The following PARD6G variants were observed in gnomAD, a reference collection of about 807,000 sequenced individuals.
The protein encoded by PARD6G is par-6 family cell polarity regulator gamma.
Under a neutral mutation model 10.7 loss-of-function variants are expected in PARD6G, and 7 were observed. That is an observed-to-expected ratio of 0.66 (90% CI 0.37 to 1.23). The LOEUF is 1.23. Among genes scored for constraint, PARD6G ranks in the 50% most tolerant of loss-of-function variants. The probability of loss-of-function intolerance (pLI) is 0.02; values close to 1 mark genes in which losing one functional copy is unlikely to be tolerated. For missense variants in PARD6G, 548 were observed against 571.8 expected, an observed-to-expected ratio of 0.96 and a Z score of 0.42; for synonymous variants, 287 against 269.4, an observed-to-expected ratio of 1.07 and a Z score of -0.64.
chr18:80,208,068 TGCA>T (rs1967071268), intron 1 of PARD6G, among the ~76,000 whole-genome samples: 2 of 152,152 alleles, frequency 1.3e-5, no homozygotes, highest in African/African-American at 4.8e-5. Context: ...ATCAAATCAC[TGCA>T]GCATTTAGAT....
At chr18:80,210,272 T>C (rs972893788) in intron 1 of PARD6G, among the ~76,000 whole-genome samples, 3 of 152,198 alleles carry the variant, frequency 2.0e-5, no homozygotes, top group East Asian at 3.8e-4. Flanking sequence ...AAAGACAGAA[T>C]ACTGGGAAAA....
chr18:80,210,455 G>A (rs1967096009), intron 1 of PARD6G, among the ~76,000 whole-genome samples: 1 of 152,120 alleles, frequency 6.6e-6, no homozygotes, highest in Non-Finnish European at 1.5e-5. Flanking sequence ...CACAGCCTGG[G>A]AGGGAGCAGA....
chr18:80,190,370 G>A (rs934386762), intron 2 of PARD6G, among the ~76,000 whole-genome samples: 3 of 152,178 alleles, frequency 2.0e-5, no homozygotes, highest in African/African-American at 4.8e-5. Flanking sequence ...GGCCTGAGAG[G>A]GCTTCTGTGT....
chr18:80,234,914 C>T (rs578116774), intron 1 of PARD6G, among the ~76,000 whole-genome samples: 1 of 152,144 alleles, frequency 6.6e-6, no homozygotes, highest in African/African-American at 2.4e-5. Context: ...TAATGGGAGA[C>T]TTTAACACCC....
At chr18:80,216,355 T>C (rs1173676480) in intron 1 of PARD6G, among the ~76,000 whole-genome samples, 1 of 152,110 alleles carries the variant, frequency 6.6e-6, no homozygotes, top group African/African-American at 2.4e-5. Context: ...TTCTCTAGGA[T>C]AGACCATACT....
intron 1 of PARD6G, among the ~76,000 whole-genome samples, chr18:80,213,070 T>C (rs1293196151): frequency 1.3e-5 from 2 of 152,162 alleles, no homozygotes; most frequent in Admixed American, 6.5e-5. Flanking sequence ...TAAATTGGTT[T>C]TATTACCAGT....
chr18:80,227,352 T>C (rs1225940539), intron 1 of PARD6G, among the ~76,000 whole-genome samples: 6 of 152,198 alleles, frequency 3.9e-5, no homozygotes, highest in South Asian at 4.1e-4. Context: ...CACAAAGTCA[T>C]GAAATGTGTT....
At position 80,177,440 on chromosome 18, in the gene PARD6G, A is replaced by C. The variant is rs145327271; in HGVS notation, c.296-16834T>G. Among the ~76,000 whole-genome samples the C allele has an allele frequency of 2.0e-5, 3 of 151,556 alleles. No homozygotes were observed. The East Asian group carries it at 5.8e-4, about 30-fold the overall frequency. On this transcript the variant is annotated intron_variant, in intron 2 of 2. Coordinates refer to ENST00000353265, the MANE Select transcript of PARD6G (RefSeq NM_032510.4). The stretch of plus-strand genomic sequence containing the variant: ...ATACACGCAAACACGCACACACAGG[A>C]TAAACCACAGTCCAAATGGGAAGCA...
intron 2 of PARD6G, among the ~76,000 whole-genome samples, chr18:80,187,141 G>C (rs1299094280): frequency 6.6e-6 from 1 of 151,998 alleles, no homozygotes; most frequent in Non-Finnish European, 1.5e-5. Flanking sequence ...TCCACTAAGG[G>C]TTACTCTAAT....
In PARD6G at chr18:80,183,368, C is replaced by T. The variant is rs1420223857; in HGVS notation, c.295+19342G>A. On this transcript the variant is annotated intron_variant, in intron 2 of 2. Coordinates refer to ENST00000353265, the MANE Select transcript of PARD6G (RefSeq NM_032510.4). This position sits in a 1 kb window ranked among gnomAD's most constrained non-coding sequence, Gnocchi z 4.5. ...AGCATCCGTCTTCTTCCTTTCCAGC[C>T]AGACAACTCTCCCTGGCCCTAATGG... is the stretch of plus-strand genomic sequence containing the variant. Among the ~76,000 whole-genome samples, 1 of 152,166 alleles carries T rather than the reference C, an allele frequency of 6.6e-6. No individual in the cohort carries two copies. Among genetic ancestry groups the T allele is most frequent in the African/African-American group, 2.4e-5 (1 of 41,430 alleles).
At chr18:80,197,417 A>T (rs962595434) in intron 2 of PARD6G, 6 of 152,232 alleles carry the variant, frequency 3.9e-5, no homozygotes, top group Non-Finnish European at 7.3e-5. Context: ...TGATAAATCA[A>T]ATAGTTTACA....
Position 80,238,500 on chromosome 18 carries a change from A to C in PARD6G, c.72+8777T>G, listed in dbSNP as rs111263010. Among the ~76,000 whole-genome samples, 105 of 152,106 alleles carry C rather than the reference A, an allele frequency of 6.9e-4. 1 individual carries two copies. The highest frequency in any genetic ancestry group is 2.2e-3 in the African/African-American group (93 of 41,518). On this transcript the variant is annotated intron_variant, in intron 1 of 2. Transcript: ENST00000353265. ...AAAACTTAAAGTATAACAAAAAAAA[A>C]AACAACTATTTTTTTAACCAAAAGT...
At chr18:80,191,581 G>C (rs115518411) in intron 2 of PARD6G, among the ~76,000 whole-genome samples, 1 of 152,102 alleles carries the variant, frequency 6.6e-6, no homozygotes, top group Non-Finnish European at 1.5e-5. Flanking sequence ...AATTTCTACT[G>C]GTTCTTTTAT....
Position 80,157,999 on chromosome 18 carries a change from T to TTCA in PARD6G, c.*1771_*1772insTGA, listed in dbSNP as rs1190904302. The TTCA allele has an allele frequency of 6.6e-6, 1 of 152,242 alleles. No homozygotes were observed. The highest frequency in any genetic ancestry group is 2.4e-5 in the African/African-American group (1 of 41,458). 9.4% of individuals were successfully genotyped at this position (152,242 alleles called of 1,614,324 possible). On this transcript the variant is annotated 3_prime_UTR_variant, in exon 3 of 3. Transcript: ENST00000353265. ...TCCGACAACCTAGAAAAATATTTCT[T>TTCA]TACCTGTATCTGTATGAAAGATTTG...
chr18:80,169,827 C>T (rs1239172903), intron 2 of PARD6G: 1 of 152,238 alleles, frequency 6.6e-6, no homozygotes, highest in Non-Finnish European at 1.5e-5. Flanking sequence ...CCATGGTCCC[C>T]TGGTGAATTG....
intron 2 of PARD6G, 188 bp downstream of exon 2, chr18:80,202,522 T>C: frequency 1.8e-6 from 1 of 552,622 alleles, no homozygotes; most frequent in Non-Finnish European, 3.2e-6. Context: ...GTCAATATCA[T>C]TTAAAGTAGA....
At chr18:80,190,392 C>A (rs190645243) in intron 2 of PARD6G, among the ~76,000 whole-genome samples, 1 of 152,188 alleles carries the variant, frequency 6.6e-6, no homozygotes, top group Non-Finnish European at 1.5e-5. Context: ...CACTGCCTCT[C>A]GTCCAGAGTC....
In PARD6G at chr18:80,181,730, G is replaced by A. The variant is rs1442056840; in HGVS notation, c.295+20980C>T. 6.6e-6 allele frequency among the ~76,000 whole-genome samples: 1 copy of A among 152,074 alleles called. No homozygotes were observed. The highest frequency in any genetic ancestry group is 1.5e-5 in the Non-Finnish European group (1 of 68,018). ...CTTCCCTCCTTCCTGGCTGGAAGCT[G>A]CTTTCAGCTCCTGGCCTTCCTGATG... On this transcript the variant is annotated intron_variant, in intron 2 of 2. Transcript: ENST00000353265. This position sits in a 1 kb window ranked among gnomAD's most constrained non-coding sequence, Gnocchi z 7.9.
chr18:80,242,471 T>C (rs1216167315), intron 1 of PARD6G, among the ~76,000 whole-genome samples: 1 of 152,224 alleles, frequency 6.6e-6, no homozygotes, highest in Non-Finnish European at 1.5e-5. Flanking sequence ...CAGTAAGATC[T>C]TGGGGACCAG....
Sources: allele counts gnomAD v4.1 joint callset (sites outside exome capture counted in the v4.1 genomes callset), GRCh38; gene constraint gnomAD v4.1.1; non-coding constraint Gnocchi (gnomAD v3.1); transcripts MANE v1.5; gene names NCBI Gene and HGNC (gene_info 2026-07-23, HGNC 2026-07-21).